Variants in SLC24A2 observed in about 807,000 individuals in gnomAD.
SLC24A2 encodes solute carrier family 24 member 2.
In SLC24A2, 36 loss-of-function variants were observed where a neutral mutation model predicts 62.0. The ratio of observed to expected loss-of-function variants is 0.58; its 90% CI spans 0.44 to 0.77. The LOEUF (loss-of-function observed/expected upper bound fraction) is 0.77. Among genes scored for constraint, SLC24A2 ranks in the 30% least tolerant of loss-of-function variants. The pLI, the probability that SLC24A2 is intolerant of heterozygous loss-of-function variation, is 0.00. For missense variants in SLC24A2, 846 were observed against 817.9 expected (o/e 1.03, Z -0.42); for synonymous variants, 358 against 294.0 (o/e 1.22, Z -2.23).
intron 7 of SLC24A2, among the ~76,000 whole-genome samples, chr9:19,565,381 T>C (rs1017321401): frequency 7.4e-5 from 11 of 149,386 alleles, no homozygotes; most frequent in Non-Finnish European, 1.3e-4. Flanking sequence ...TCAAAGAGAA[T>C]AAAATACCTA....
the SLC24A2 span, among the ~76,000 whole-genome samples, chr9:19,994,337 T>A: frequency 4.6e-5 from 7 of 152,160 alleles, no homozygotes; most frequent in Admixed American, 6.6e-5. Context: ...AGCCTTAGCA[T>A]GAATAACCAG....
At chr9:19,567,423 GT>G (rs1835698830) in intron 7 of SLC24A2, among the ~76,000 whole-genome samples, 1 of 151,204 alleles carries the variant, frequency 6.6e-6, no homozygotes, top group Non-Finnish European at 1.5e-5. Flanking sequence ...GCGGGCGCCT[GT>G]AGTCCCAGCT....
chr9:19,942,827 G>A, the SLC24A2 span, among the ~76,000 whole-genome samples: 5 of 152,166 alleles, frequency 3.3e-5, no homozygotes, highest in South Asian at 2.1e-4. Flanking sequence ...CAGGGAAGTC[G>A]TGGATGTTTA....
At chr9:20,096,798 C>T in the SLC24A2 span, among the ~76,000 whole-genome samples, 1 of 151,832 alleles carries the variant, frequency 6.6e-6, no homozygotes, top group African/African-American at 2.4e-5. Context: ...AAATTCTTTA[C>T]AAATTTTTTT....
the SLC24A2 span, among the ~76,000 whole-genome samples, chr9:19,889,773 A>G: frequency 6.6e-6 from 1 of 152,158 alleles, no homozygotes; most frequent in Non-Finnish European, 1.5e-5. Flanking sequence ...TTCCACACCT[A>G]TGCCAATGAT....
chr9:19,839,276 A>C, the SLC24A2 span, among the ~76,000 whole-genome samples: 124,826 of 152,096 alleles, frequency 0.82, 53,103 homozygotes, highest in Non-Finnish European at 0.94. Flanking sequence ...AATAGGAACA[A>C]TTTTACACTG....
chr9:20,253,867 G>A, the SLC24A2 span, among the ~76,000 whole-genome samples: 3 of 152,086 alleles, frequency 2.0e-5, no homozygotes, highest in African/African-American at 4.8e-5. Flanking sequence ...GACCCGTTCT[G>A]GGCACCGCAA....
the SLC24A2 span, among the ~76,000 whole-genome samples, chr9:20,041,015 G>C: frequency 6.6e-6 from 1 of 152,184 alleles, no homozygotes; most frequent in African/African-American, 2.4e-5. Context: ...GGGCAGCTCT[G>C]CTAATTACAG....
chr9:19,957,495 T>C, the SLC24A2 span: 1 of 152,278 alleles, frequency 6.6e-6, no homozygotes, highest in Non-Finnish European at 1.5e-5. Flanking sequence ...AGCCATTCAG[T>C]TGGCCTGGAT....
chr9:19,550,690 AAAT>A (rs1199706392), intron 7 of SLC24A2, among the ~76,000 whole-genome samples: 7 of 132,694 alleles, frequency 5.3e-5, no homozygotes, highest in Non-Finnish European at 9.5e-5. Flanking sequence ...CACTGATAAA[AAAT>A]ATTTCTTTTT....
intron 2 of SLC24A2, among the ~76,000 whole-genome samples, chr9:19,780,459 G>C (rs556909590): frequency 6.6e-6 from 1 of 151,412 alleles, no homozygotes; most frequent in Admixed American, 6.6e-5. Flanking sequence ...GTAGAGACGG[G>C]GTTTCACCAT....
At chr9:20,102,139 A>C in the SLC24A2 span, among the ~76,000 whole-genome samples, 6 of 152,258 alleles carry the variant, frequency 3.9e-5, no homozygotes, top group East Asian at 3.9e-4. Context: ...CCCTATTTCT[A>C]TAAAGAGTTG....
chr9:19,859,443 A>G, the SLC24A2 span, among the ~76,000 whole-genome samples: 1 of 152,184 alleles, frequency 6.6e-6, no homozygotes, highest in Admixed American at 6.5e-5. Flanking sequence ...TCAAACCCCC[A>G]AGACATGCAG....
chr9:19,647,060 ACACGCGCG>A (rs761383930), intron 2 of SLC24A2, among the ~76,000 whole-genome samples: 2,251 of 32,454 alleles, frequency 0.069, 36 homozygotes, highest in East Asian at 0.2. Context: ...ACACACACAC[ACACGCGCG>A]CACACACACA....
At chr9:19,628,630 T>A (rs1818095260) in intron 2 of SLC24A2, among the ~76,000 whole-genome samples, 1 of 152,204 alleles carries the variant, frequency 6.6e-6, no homozygotes, top group Admixed American at 6.5e-5. Flanking sequence ...CTGGTATTAG[T>A]CACACGAATT....
chr9:19,653,240 A>AGT (rs1412198489), intron 2 of SLC24A2, among the ~76,000 whole-genome samples: 1 of 152,202 alleles, frequency 6.6e-6, no homozygotes, highest in Admixed American at 6.5e-5. Flanking sequence ...CATGGCCAGA[A>AGT]GTGTGTCCAC....
At chr9:19,705,488 C>T (rs1007230149) in intron 2 of SLC24A2, 1 of 215,524 alleles carries the variant, frequency 4.6e-6, no homozygotes, top group Non-Finnish European at 1.0e-5. Context: ...CAACATTACT[C>T]TGTCCAGGAA....
chr9:19,812,573 C>T, the SLC24A2 span, among the ~76,000 whole-genome samples: 5 of 152,004 alleles, frequency 3.3e-5, no homozygotes, highest in Admixed American at 6.6e-5. Context: ...TCTGTTTTCT[C>T]TAACATATTA....
At chr9:20,218,447 T>C in the SLC24A2 span, among the ~76,000 whole-genome samples, 1 of 152,118 alleles carries the variant, frequency 6.6e-6, no homozygotes, top group African/African-American at 2.4e-5. Context: ...CACACACGTG[T>C]GTCTGCTTGT....
Sources: gnomAD v4.1 joint callset for allele counts (sites outside exome capture counted in the v4.1 genomes callset) on GRCh38, gnomAD v4.1.1 for gene constraint, MANE v1.5 for transcripts, NCBI Gene and HGNC (gene_info 2026-07-23, HGNC 2026-07-21) for gene names.